KCNMB2: variants seen among roughly 807,000 people sequenced by gnomAD.
The protein encoded by KCNMB2 is calcium-activated potassium channel subunit beta-2.
In KCNMB2, 9 loss-of-function variants were observed where a neutral mutation model predicts 24.5. That is an observed-to-expected ratio of 0.37 (90% CI 0.22 to 0.64). The LOEUF (loss-of-function observed/expected upper bound fraction) is 0.64. KCNMB2 is among the 30% of genes least tolerant of loss of function. The pLI, the probability that KCNMB2 is intolerant of heterozygous loss-of-function variation, is 0.63. For synonymous variants in KCNMB2, 109 were observed against 104.4 expected, an observed-to-expected ratio of 1.04 and a Z score of -0.27; for missense variants, 226 against 284.3, an observed-to-expected ratio of 0.79 and a Z score of 1.47.
chr3:178,760,402 GAT>G (rs1224748136), intron 1 of KCNMB2, among the ~76,000 whole-genome samples: 3 of 124,884 alleles, frequency 2.4e-5, no homozygotes, highest in Non-Finnish European at 3.3e-5. Context: ...CCATATCCAA[GAT>G]ATATATATTA....
chr3:178,772,720 A>C (rs1712424207), intron 1 of KCNMB2, among the ~76,000 whole-genome samples: 1 of 152,228 alleles, frequency 6.6e-6, no homozygotes, highest in Non-Finnish European at 1.5e-5. Context: ...TGCCTTGCAT[A>C]TAACAGGTGT....
intron 1 of KCNMB2, among the ~76,000 whole-genome samples, chr3:178,571,393 TAGAA>T (rs1220413866): frequency 4.1e-5 from 6 of 144,676 alleles, no homozygotes; most frequent in African/African-American, 1.5e-4. Context: ...ATAAATAAAA[TAGAA>T]GGAATATTTG....
intron 1 of KCNMB2, among the ~76,000 whole-genome samples, chr3:178,641,073 A>G (rs1399444638): frequency 6.6e-6 from 1 of 152,196 alleles, no homozygotes. Flanking sequence ...TTAATTTACC[A>G]ATACTACACT....
chr3:178,831,972 T>C lies in KCNMB2; in HGVS notation c.423+3599T>C, dbSNP rs964490222. Among the ~76,000 whole-genome samples the C allele has an allele frequency of 3.9e-5, 6 of 152,210 alleles. No individual in the cohort carries two copies. The South Asian group carries it at 8.3e-4, about 21-fold the overall frequency. On this transcript the variant is annotated intron_variant, in intron 4 of 4. Coordinates refer to ENST00000452583, the MANE Select transcript of KCNMB2 (RefSeq NM_181361.3). ...ACTTTTTTATTCTTTTCCCAACTTA[T>C]ATATTATCATTTTTATGTTATGTAT... is the stretch of plus-strand genomic sequence containing the variant.
intron 1 of KCNMB2, among the ~76,000 whole-genome samples, chr3:178,565,038 A>G (rs1716469419): frequency 6.6e-6 from 1 of 152,210 alleles, no homozygotes; most frequent in South Asian, 2.1e-4. Context: ...ATTTCTTAGT[A>G]TAAAAATCAA....
intron 1 of KCNMB2, among the ~76,000 whole-genome samples, chr3:178,564,994 A>T (rs1716467624): frequency 6.6e-6 from 1 of 152,212 alleles, no homozygotes; most frequent in Admixed American, 6.5e-5. Context: ...AAAGTATATG[A>T]AATTAAATTC....
intron 2 of KCNMB2, among the ~76,000 whole-genome samples, chr3:178,814,716 T>C (rs1714336027): frequency 6.6e-6 from 1 of 152,228 alleles, no homozygotes; most frequent in Admixed American, 6.5e-5. Flanking sequence ...TCTCTAATGA[T>C]TAGTAATGTT....
At chr3:178,820,394 G>A (rs1440721693) in intron 2 of KCNMB2, 1 of 152,662 alleles carries the variant, frequency 6.6e-6, no homozygotes, top group African/African-American at 2.4e-5. Flanking sequence ...CCAGAACTTA[G>A]CACATTGTGT....
intron 1 of KCNMB2, among the ~76,000 whole-genome samples, chr3:178,762,834 A>T (rs188009162): frequency 6.7e-6 from 1 of 150,012 alleles, no homozygotes; most frequent in East Asian, 2.0e-4. Flanking sequence ...AGATTGTATG[A>T]TCATTTACTG....
At chr3:178,759,591 ATCTCTC>A (rs1195639108) in intron 1 of KCNMB2, among the ~76,000 whole-genome samples, 46 of 131,104 alleles carry the variant, frequency 3.5e-4, no homozygotes, top group African/African-American at 1.3e-3. Context: ...ATATACATAT[ATCTCTC>A]TCCAAGAGGA....
intron 1 of KCNMB2, among the ~76,000 whole-genome samples, chr3:178,543,540 A>G (rs1043763227): frequency 7.9e-5 from 12 of 152,340 alleles, no homozygotes; most frequent in Admixed American, 7.2e-4. Context: ...AGGGTGTTTC[A>G]TTTAATTGCT....
At chr3:178,797,793 T>C (rs992986983) in intron 1 of KCNMB2, among the ~76,000 whole-genome samples, 7 of 152,228 alleles carry the variant, frequency 4.6e-5, no homozygotes, top group Non-Finnish European at 1.0e-4. Flanking sequence ...CATTTGTTTG[T>C]GTCCTCTGTG....
chr3:178,691,461 T>A (rs755630287), intron 1 of KCNMB2, among the ~76,000 whole-genome samples: 1 of 152,116 alleles, frequency 6.6e-6, no homozygotes, highest in East Asian at 1.9e-4. Context: ...TCTGTGCCCA[T>A]ATGTTCTCAT....
chr3:178,616,661 A>G (rs1381866265), intron 1 of KCNMB2, among the ~76,000 whole-genome samples: 1 of 152,092 alleles, frequency 6.6e-6, no homozygotes, highest in Non-Finnish European at 1.5e-5. Context: ...GGTTCTTATG[A>G]AGGTGTTTTT....
At position 178,599,757 on chromosome 3, in the gene KCNMB2, C is replaced by A. The variant is rs114319741; in HGVS notation, c.-68+63046C>A. 5.9e-3 allele frequency among the ~76,000 whole-genome samples: 903 copies of A among 152,314 alleles called. 8 individuals carry two copies. Among genetic ancestry groups the A allele is most frequent in the African/African-American group, 0.021 (876 of 41,578 alleles). ...AACTTCATACCCATGAAACACACAA[C>A]TCGTTTCCCTCTCCTCTGCCAGCCC... On this transcript the variant is annotated intron_variant, in intron 1 of 4. Transcript: ENST00000452583.
rs533793762 is a variant in KCNMB2, at chr3:178,596,222, G to A, written c.-68+59511G>A. 5.3e-5 allele frequency among the ~76,000 whole-genome samples: 8 copies of A among 152,190 alleles called. No homozygotes were observed. In the East Asian group the frequency reaches 1.5e-3, roughly 29 times the overall value. On this transcript the variant is annotated intron_variant, in intron 1 of 4. Coordinates refer to ENST00000452583, the MANE Select transcript of KCNMB2 (RefSeq NM_181361.3). ...CTACTCACACATTCCCATGCATCCA[G>A]TTGCAGATGATCTATTTTCAATTTC...
At chr3:178,755,786 G>C (rs1029633600) in intron 1 of KCNMB2, among the ~76,000 whole-genome samples, 1 of 152,082 alleles carries the variant, frequency 6.6e-6, no homozygotes, top group Non-Finnish European at 1.5e-5. Flanking sequence ...ACCGTTTTCT[G>C]AGTTGCACTC....
At chr3:178,660,911 AT>A (rs778032627) in intron 1 of KCNMB2, among the ~76,000 whole-genome samples, 8 of 152,036 alleles carry the variant, frequency 5.3e-5, no homozygotes, top group Non-Finnish European at 1.2e-4. Context: ...AGATCCTTCT[AT>A]GTCCCTCTAG....
At chr3:178,631,924 A>C (rs151022054) in intron 1 of KCNMB2, among the ~76,000 whole-genome samples, 13 of 152,352 alleles carry the variant, frequency 8.5e-5, no homozygotes, top group African/African-American at 3.1e-4. Flanking sequence ...CACATCATGC[A>C]TGGTTTCCAG....
Sources: gnomAD v4.1 joint callset for allele counts (sites outside exome capture counted in the v4.1 genomes callset) on GRCh38, gnomAD v4.1.1 for gene constraint, MANE v1.5 for transcripts, NCBI Gene and HGNC (gene_info 2026-07-23, HGNC 2026-07-21) for gene names.